DCAF1: variants seen among roughly 807,000 people sequenced by gnomAD.
DCAF1 encodes DDB1 and CUL4 associated factor 1.
A neutral mutation model predicts 128.0 loss-of-function variants in DCAF1; 15 were observed. The ratio of observed to expected loss-of-function variants is 0.12; its 90% CI spans 0.08 to 0.18. The LOEUF is 0.18. DCAF1 is among the 10% of genes least tolerant of loss of function. The probability of loss-of-function intolerance (pLI) is 1.00; values close to 1 mark genes in which losing one functional copy is unlikely to be tolerated. For missense variants in DCAF1, 988 were observed against 1,649.5 expected, an observed-to-expected ratio of 0.60 and a Z score of 6.95; for synonymous variants, 610 against 603.0, an observed-to-expected ratio of 1.01 and a Z score of -0.17.
chr3:51,460,816 T>C (rs1703469375), intron 6 of DCAF1, among the ~76,000 whole-genome samples: 2 of 151,048 alleles, frequency 1.3e-5, no homozygotes, highest in Non-Finnish European at 3.0e-5. Flanking sequence ...GGGGAAAGGA[T>C]TCCCTATTTA....
rs1703306836 is a variant in DCAF1 at position 51,459,529 on chromosome 3, A to G, written c.375+3585T>C. On this transcript the variant is annotated intron_variant, in intron 6 of 24. Transcript: ENST00000684031. ...CTGAAATTATTCCAATCAACAGAAA[A>G]AGAGGGAATCCTCCCTAACTCATTT... Among the ~76,000 whole-genome samples, 3 of 152,206 alleles carry G rather than the reference A, an allele frequency of 2.0e-5. No homozygotes were observed. In the South Asian group the frequency reaches 6.2e-4, roughly 32 times the overall value.
At chr3:51,495,947 C>G (rs892766356) in intron 2 of DCAF1, among the ~76,000 whole-genome samples, 3 of 151,326 alleles carry the variant, frequency 2.0e-5, no homozygotes, top group Non-Finnish European at 4.4e-5. Context: ...TGAGCCATAA[C>G]TGCACCACTG....
chr3:51,446,978 T>TAATAATAATAATAAC (rs1701922993), intron 6 of DCAF1, among the ~76,000 whole-genome samples: 1 of 146,718 alleles, frequency 6.8e-6, no homozygotes, highest in African/African-American at 2.5e-5. Flanking sequence ...ATAATAATAA[T>TAATAATAATAATAAC]AATAATAATA....
Position 51,470,914 on chromosome 3 carries a change from G to C in DCAF1, c.187+15C>G. The C allele has an allele frequency of 6.5e-7, 1 of 1,548,372 alleles. No homozygotes were observed. The highest frequency in any genetic ancestry group is 8.8e-7 in the Non-Finnish European group (1 of 1,139,906). On this transcript the variant is annotated intron_variant, in intron 4 of 24. Coordinates refer to ENST00000684031, the MANE Select transcript of DCAF1 (RefSeq NM_001387579.1). ...AGAAAAAAAAAAGACCCACACTTAA[G>C]AGCACAAATCTTACCAGGATGTCGA...
chr3:51,494,584 G>T (rs1708034852), intron 2 of DCAF1, among the ~76,000 whole-genome samples: 1 of 152,194 alleles, frequency 6.6e-6, no homozygotes, highest in East Asian at 1.9e-4. Flanking sequence ...AAATGATCCA[G>T]AAGAGACTGC....
Position 51,420,453 on chromosome 3 carries a change from G to C in DCAF1, c.2517C>G (p.Ala839=), listed in dbSNP as rs1190978617. 2 of 1,613,888 alleles carry C rather than the reference G, an allele frequency of 1.2e-6. No individual in the cohort carries two copies. Among genetic ancestry groups the C allele is most frequent in the African/African-American group, 2.7e-5 (2 of 74,914 alleles). ...TCTCAGGGAAGGAGATCCTTGACTG[G>C]GCAACAACATCTGCTTTCTGCAGTC... ...LARLQKADVV[A]QSRISFPEKE... is the part of the protein sequence containing the mutation. Residue 839 remains alanine (A), a synonymous_variant, in exon 15 of 25, where the codon GCC becomes GCG. Transcript: ENST00000684031. The surrounding 1 kb of genome is among the most constrained non-coding windows in gnomAD (Gnocchi z 6.5).
chr3:51,399,169 G>A, intron 24 of DCAF1, among the ~76,000 whole-genome samples: 1 of 152,250 alleles, frequency 6.6e-6, no homozygotes, highest in Non-Finnish European at 1.5e-5. Context: ...GACGGGAGCA[G>A]TGAGTAAGCC....
At chr3:51,455,587 C>A (rs182383054) in intron 6 of DCAF1, among the ~76,000 whole-genome samples, 1 of 151,498 alleles carries the variant, frequency 6.6e-6, no homozygotes, top group South Asian at 2.1e-4. Context: ...CTAGCCTGGG[C>A]AACAGAGTAA....
rs782081385 is a variant in DCAF1 at position 51,436,424 on chromosome 3, G to T, written c.1129-3160C>A. ...CAATGGGATCCTTCTGAGGATGCTA[G>T]AATACGGAATTATGACACTGAGCCA... On this transcript the variant is annotated intron_variant, in intron 9 of 24. Transcript: ENST00000684031. 7.7e-6 allele frequency: 4 copies of T among 519,968 alleles called. No homozygotes were observed. The East Asian group carries it at 2.2e-4, about 28-fold the overall frequency. The allele number at this position is 519,968 out of a possible 1,614,324, so 32.2% of individuals were successfully genotyped here. A position where few individuals can be genotyped will look rare whatever the true frequency, so the allele number is the denominator to read the frequency against.
intron 19 of DCAF1, 83 bp from the exon 20 acceptor site, chr3:51,414,126 T>C: frequency 6.9e-7 from 1 of 1,449,862 alleles, no homozygotes; most frequent in Non-Finnish European, 9.1e-7. Context: ...TATCACTTTT[T>C]TTCCTCCTGC....
intron 18 of DCAF1, among the ~76,000 whole-genome samples, chr3:51,415,728 T>C (rs1553630155): frequency 1.3e-5 from 2 of 152,030 alleles, no homozygotes; most frequent in Admixed American, 6.5e-5. Flanking sequence ...GCTGGGACTA[T>C]AGGTCCCAAG....
rs751242326 is a variant in DCAF1, at chr3:51,441,908, A to G, written c.514-11T>C. The G allele has an allele frequency of 1.9e-6, 3 of 1,570,498 alleles. No homozygotes were observed. The highest frequency in any genetic ancestry group is 1.2e-5 in the South Asian group (1 of 85,300). On this transcript the variant is annotated splice_polypyrimidine_tract_variant and intron_variant, in intron 7 of 24. Transcript: ENST00000684031. Reference sequence around the variant, plus strand: ...AAGCACTATTGCCACCTATCAACAGATAATTGGAGAAAAAGGGGGTGCCTC... The same window carrying G: ...AAGCACTATTGCCACCTATCAACAGGTAATTGGAGAAAAAGGGGGTGCCTC...
intron 6 of DCAF1, among the ~76,000 whole-genome samples, chr3:51,444,913 G>C (rs1298171972): frequency 6.6e-6 from 1 of 151,696 alleles, no homozygotes; most frequent in Non-Finnish European, 1.5e-5. Flanking sequence ...CTGACCTCGT[G>C]ATCCGCCCCC....
intron 2 of DCAF1, among the ~76,000 whole-genome samples, chr3:51,488,959 C>A (rs1553656704): frequency 6.6e-6 from 1 of 152,114 alleles, no homozygotes; most frequent in Non-Finnish European, 1.5e-5. Flanking sequence ...GGCGAGACTC[C>A]GTCTCGGGTG....
At chr3:51,458,340 G>C (rs1703152931) in intron 6 of DCAF1, among the ~76,000 whole-genome samples, 1 of 152,118 alleles carries the variant, frequency 6.6e-6, no homozygotes, top group Non-Finnish European at 1.5e-5. Flanking sequence ...ATGGTAAAGG[G>C]ATCAATTCAA....
At position 51,414,812 on chromosome 3, in the gene DCAF1, G is replaced by A. The variant is rs1375559136; in HGVS notation, c.3649C>T (p.Pro1217Ser). ...CTCTTGTAGTTGTTGGCAAGATCTGGGTTAAACAGAGTCAACAGCTTGTTG... is the reference window on the plus strand; with the variant it reads ...CTCTTGTAGTTGTTGGCAAGATCTGAGTTAAACAGAGTCAACAGCTTGTTG... ...TGNKLLTLFN[P>S]DLANNYKRNC... The change falls in exon 19 of 25, where the codon CCA becomes TCA. Residue 1217 changes from proline (P) to serine (S), a missense_variant. This residue lies in a region of DCAF1 where 61 missense variants were observed against 78.3 expected (regional missense o/e 0.78). Coordinates refer to ENST00000684031, the MANE Select transcript of DCAF1 (RefSeq NM_001387579.1). The A allele has an allele frequency of 5.0e-6, 8 of 1,613,860 alleles. No individual in the cohort carries two copies. The highest frequency in any genetic ancestry group is 6.8e-6 in the Non-Finnish European group (8 of 1,179,894).
upstream of DCAF1, among the ~76,000 whole-genome samples, chr3:51,502,953 T>C (rs1444023556): frequency 2.6e-5 from 4 of 152,222 alleles, no homozygotes; most frequent in Non-Finnish European, 5.9e-5. Context: ...GCATGCACAC[T>C]GTGCATTAGG....
intron 23 of DCAF1, 50 bp downstream of exon 23, chr3:51,412,329 A>G (rs1553628675): frequency 1.9e-6 from 3 of 1,611,422 alleles, no homozygotes; most frequent in Admixed American, 3.3e-5. Flanking sequence ...AGCAGAGCAT[A>G]ACCTCTATTA....
rs1196369126 is a variant in DCAF1 at position 51,460,319 on chromosome 3, A to T, written c.375+2795T>A. Among the ~76,000 whole-genome samples, 3 of 152,326 alleles carry T rather than the reference A, an allele frequency of 2.0e-5. No homozygotes were observed. In the East Asian group the frequency reaches 5.8e-4, roughly 29 times the overall value. ...TGAACTCCCATTCACAACTGCTTCA[A>T]AGAGAATAAAATACCTAGGAATCCA... On this transcript the variant is annotated intron_variant, in intron 6 of 24. Coordinates refer to ENST00000684031, the MANE Select transcript of DCAF1 (RefSeq NM_001387579.1).
Sources: allele counts gnomAD v4.1 joint callset (sites outside exome capture counted in the v4.1 genomes callset), GRCh38; gene constraint gnomAD v4.1.1; regional missense constraint gnomAD v4.1.1; non-coding constraint Gnocchi (gnomAD v3.1); transcripts MANE v1.5; gene names NCBI Gene and HGNC (gene_info 2026-07-23, HGNC 2026-07-21).